MBNL1: variants seen among roughly 807,000 people sequenced by gnomAD.
The protein encoded by MBNL1 is muscleblind like splicing regulator 1, also known as muscleblind-like protein 1.
In MBNL1, 8 loss-of-function variants were observed where a neutral mutation model predicts 42.2. The observed-to-expected ratio is 0.19, with a 90% CI of 0.11 to 0.34. MBNL1 has a LOEUF of 0.34. MBNL1 is among the 10% of genes least tolerant of loss of function. The pLI is 1.00. For missense variants in MBNL1, 309 were observed against 495.3 expected, an observed-to-expected ratio of 0.62 and a Z score of 3.57; for synonymous variants, 169 against 173.9, an observed-to-expected ratio of 0.97 and a Z score of 0.22.
intron 2 of MBNL1, among the ~76,000 whole-genome samples, chr3:152,316,728 C>T (rs970871220): frequency 3.3e-5 from 5 of 152,076 alleles, no homozygotes; most frequent in African/African-American, 1.2e-4. Context: ...AGTATTTTTG[C>T]CATGACTTCT....
intron 2 of MBNL1, among the ~76,000 whole-genome samples, chr3:152,247,617 T>C (rs2033413401): frequency 6.6e-6 from 1 of 152,042 alleles, no homozygotes. Context: ...TAACTTGTTA[T>C]TTGAGAATTA....
intron 6 of MBNL1, chr3:152,449,479 T>TA (rs1188690489): frequency 6.6e-6 from 1 of 152,218 alleles, no homozygotes; most frequent in Admixed American, 6.5e-5. Flanking sequence ...GGTTTCACAT[T>TA]AGTTTTTTCA....
At chr3:152,329,202 T>G (rs2082441563) in intron 2 of MBNL1, among the ~76,000 whole-genome samples, 1 of 152,044 alleles carries the variant, frequency 6.6e-6, no homozygotes, top group Non-Finnish European at 1.5e-5. Flanking sequence ...AAAGGAATAA[T>G]ACTGGTAGCA....
intron 2 of MBNL1, chr3:152,262,655 T>A (rs2036497848): frequency 6.6e-6 from 1 of 152,366 alleles, no homozygotes; most frequent in Non-Finnish European, 1.5e-5. Flanking sequence ...ACAGTGTTAC[T>A]ACGTAGAAAT....
chr3:152,294,543 C>T (rs945256864), intron 1 of MBNL1, among the ~76,000 whole-genome samples: 1 of 152,064 alleles, frequency 6.6e-6, no homozygotes, highest in Non-Finnish European at 1.5e-5. Context: ...CTCGGCCTCC[C>T]AAAGTGCTGG....
chr3:152,253,483 C>A (rs2034980616), intron 2 of MBNL1, among the ~76,000 whole-genome samples: 1 of 152,088 alleles, frequency 6.6e-6, no homozygotes, highest in Non-Finnish European at 1.5e-5. Context: ...ATTCTTGCAT[C>A]CCTACCAATA....
chr3:152,258,535 C>A (rs2035774529), intron 2 of MBNL1, among the ~76,000 whole-genome samples: 1 of 152,190 alleles, frequency 6.6e-6, no homozygotes, highest in South Asian at 2.1e-4. Flanking sequence ...TGGGTATGCC[C>A]TGTTGCCAAG....
chr3:152,245,417 G>T (rs542735531), intron 2 of MBNL1, among the ~76,000 whole-genome samples: 1 of 152,234 alleles, frequency 6.6e-6, no homozygotes, highest in African/African-American at 2.4e-5. Context: ...TACATATGGA[G>T]GTTTGAAGAG....
chr3:152,291,955 A>G (rs1426085607), intron 1 of MBNL1, among the ~76,000 whole-genome samples: 1 of 152,052 alleles, frequency 6.6e-6, no homozygotes, highest in Non-Finnish European at 1.5e-5. Context: ...CTAATTTTTA[A>G]AAATTTGTTT....
At chr3:152,394,813 G>A (rs1188817504) in intron 2 of MBNL1, among the ~76,000 whole-genome samples, 1 of 152,164 alleles carries the variant, frequency 6.6e-6, no homozygotes, top group African/African-American at 2.4e-5. Flanking sequence ...TCTTGGAAGA[G>A]CATAAACAAT....
At chr3:152,384,681 G>T (rs1423858711) in intron 2 of MBNL1, among the ~76,000 whole-genome samples, 5 of 152,118 alleles carry the variant, frequency 3.3e-5, no homozygotes, top group Non-Finnish European at 7.4e-5. Flanking sequence ...TCACTAGCAG[G>T]TGCAGGTTTT....
At chr3:152,289,287 A>C (rs1001234714) in intron 1 of MBNL1, among the ~76,000 whole-genome samples, 8 of 152,140 alleles carry the variant, frequency 5.3e-5, no homozygotes, top group Non-Finnish European at 1.2e-4. Flanking sequence ...ATTGTTAAAA[A>C]GTAATTATAT....
intron 1 of MBNL1, among the ~76,000 whole-genome samples, chr3:152,272,576 TAAAAA>T (rs141806024): frequency 6.9e-6 from 1 of 145,952 alleles, no homozygotes; most frequent in South Asian, 2.2e-4. Flanking sequence ...TTTAGAAAGT[TAAAAA>T]AAAAAACCCA....
intron 6 of MBNL1, among the ~76,000 whole-genome samples, chr3:152,448,168 TTTGA>T (rs1446043878): frequency 6.6e-6 from 1 of 152,150 alleles, no homozygotes; most frequent in Non-Finnish European, 1.5e-5. Context: ...CACTTTCAGT[TTTGA>T]TTTTTATTTT....
intron 2 of MBNL1, among the ~76,000 whole-genome samples, chr3:152,356,008 A>G (rs955041408): frequency 6.6e-6 from 1 of 152,196 alleles, no homozygotes; most frequent in African/African-American, 2.4e-5. Flanking sequence ...CCTGCTTTTT[A>G]AAGAGAAAGG....
chr3:152,245,691 G>T (rs1280156371), intron 2 of MBNL1, among the ~76,000 whole-genome samples: 1 of 152,088 alleles, frequency 6.6e-6, no homozygotes, highest in East Asian at 1.9e-4. Flanking sequence ...TACCTAGTTG[G>T]TTTTTTGTTG....
Position 152,247,194 on chromosome 3 carries a change from T to C in MBNL1, n.333+2754T>C, listed in dbSNP as rs926655518. On this transcript the variant is annotated intron_variant and non_coding_transcript_variant, in intron 2 of 2. Transcript: ENST00000477171. ...GCAAACTCAGAGACATGACCTGTTATTGAAAAACAAAAATCTTTGTATCCC... is the reference window on the plus strand; with the variant it reads ...GCAAACTCAGAGACATGACCTGTTACTGAAAAACAAAAATCTTTGTATCCC... Among the ~76,000 whole-genome samples the C allele has an allele frequency of 5.3e-5, 8 of 152,256 alleles. No individual in the cohort carries two copies. The East Asian group carries it at 1.5e-3, about 29-fold the overall frequency.
chr3:152,320,345 A>G (rs1168746041), intron 2 of MBNL1, among the ~76,000 whole-genome samples: 1 of 152,140 alleles, frequency 6.6e-6, no homozygotes, highest in African/African-American at 2.4e-5. Context: ...CAGGCACTAT[A>G]ATGGACTATT....
At chr3:152,277,942 G>A (rs138889681) in intron 1 of MBNL1, among the ~76,000 whole-genome samples, 161 of 152,078 alleles carry the variant, frequency 1.1e-3, no homozygotes, top group African/African-American at 3.8e-3. Flanking sequence ...AGAGAATAAT[G>A]TTGACAGTAT....
Sources: allele counts gnomAD v4.1 joint callset (sites outside exome capture counted in the v4.1 genomes callset), GRCh38; gene constraint gnomAD v4.1.1; transcripts MANE v1.5; gene names NCBI Gene and HGNC (gene_info 2026-07-23, HGNC 2026-07-21).